PLG: variants seen among roughly 807,000 people sequenced by gnomAD.
PLG encodes plasmin.
Under a neutral mutation model 104.4 loss-of-function variants are expected in PLG, and 41 were observed. That is an observed-to-expected ratio of 0.39 (90% CI 0.31 to 0.51). The LOEUF is 0.51. PLG is among the 20% of genes least tolerant of loss of function. The pLI is 0.76. For synonymous variants in PLG, 337 were observed against 357.1 expected (o/e 0.94, Z 0.63); for missense variants, 891 against 1,003.6 (o/e 0.89, Z 1.52).
At chr6:160,720,447 C>G (rs574219223) in intron 9 of PLG, among the ~76,000 whole-genome samples, 1 of 96,690 alleles carries the variant, frequency 1.0e-5, no homozygotes, top group African/African-American at 4.1e-5. Context: ...TGAGATGGAG[C>G]CTCACTCTGT....
intron 17 of PLG, among the ~76,000 whole-genome samples, chr6:160,751,263 A>G (rs1181372581): frequency 1.3e-5 from 2 of 152,242 alleles, no homozygotes; most frequent in Non-Finnish European, 2.9e-5. Context: ...GCTGGAAGCA[A>G]GAGTGGGGCC....
At chr6:160,715,822 G>A (rs1227569976) in intron 6 of PLG, among the ~76,000 whole-genome samples, 2 of 152,230 alleles carry the variant, frequency 1.3e-5, no homozygotes, top group African/African-American at 2.4e-5. Context: ...CTGGGTAAAG[G>A]CACTTCCAGG....
rs1484874908 is a variant in PLG at position 160,719,144 on chromosome 6, TTGTC to T, written c.1096+312_1096+315del. Among the ~76,000 whole-genome samples the T allele has an allele frequency of 1.4e-4, 22 of 152,318 alleles. No individual in the cohort carries two copies. Among genetic ancestry groups the T allele is most frequent in the South Asian group, 8.3e-4 (4 of 4,822 alleles). On this transcript the variant is annotated intron_variant, in intron 9 of 18. Transcript: ENST00000308192. The surrounding 1 kb of genome is among the most constrained non-coding windows in gnomAD (Gnocchi z 4.1). ...TGGTGTTCTTCTGTATCCTTACTGA[TTGTC>T]TGTCTCCTCCTTCATTGACTACTGT...
chr6:160,709,326 A>G (rs757307102), intron 3 of PLG, among the ~76,000 whole-genome samples: 2 of 152,192 alleles, frequency 1.3e-5, no homozygotes, highest in Admixed American at 6.5e-5. Context: ...CACCAGCCAC[A>G]CTGCCTTCAC....
chr6:160,712,416 C>T (rs1010280159), intron 4 of PLG: 1 of 158,166 alleles, frequency 6.3e-6, no homozygotes. Context: ...TGGAATCAGA[C>T]AGATCAACTT....
chr6:160,739,179 A>G lies in PLG; in HGVS notation c.1989A>G (p.Arg663=), dbSNP rs751054851. 1.2e-6 allele frequency: 2 copies of G among 1,614,160 alleles called. No individual in the cohort carries two copies. Among genetic ancestry groups the G allele is most frequent in the Admixed American group, 3.3e-5 (2 of 60,018 alleles). The stretch of plus-strand genomic sequence containing the variant: ...CTAGGCTGTTCTTGGAGCCCACACG[A>G]AAAGATATTGCCTTGCTAAAGCTAA... ...EVSRLFLEPT[R]KDIALLKLSS... The change falls in exon 16 of 19, where the codon CGA becomes CGG. Residue 663 remains arginine, a synonymous_variant. Coordinates refer to ENST00000308192, the MANE Select transcript of PLG (RefSeq NM_000301.5). This position sits in a 1 kb window ranked among gnomAD's most constrained non-coding sequence, Gnocchi z 4.4.
intron 9 of PLG, among the ~76,000 whole-genome samples, chr6:160,722,182 G>A (rs530792233): frequency 6.6e-6 from 1 of 152,246 alleles, no homozygotes; most frequent in South Asian, 2.1e-4. Context: ...CCAATTATAA[G>A]TACTCTATCT....
Position 160,731,114 on chromosome 6 carries a change from A to T in PLG, c.1320A>T (p.Thr440=). 1.2e-6 allele frequency: 2 copies of T among 1,614,074 alleles called. No individual in the cohort carries two copies. Among genetic ancestry groups the T allele is most frequent in the South Asian group, 2.2e-5 (2 of 91,078 alleles). Residue 440 remains threonine, a synonymous_variant, in exon 11 of 19, where the codon ACA becomes ACT. Transcript: ENST00000308192. The surrounding 1 kb of genome is among the most constrained non-coding windows in gnomAD (Gnocchi z 5.1). ...ATAAAGGCCCCTGGTGTTTTACCAC[A>T]GACCCCAGCGTCAGGTGGGAGTACT... is the stretch of plus-strand genomic sequence containing the variant. ...DADKGPWCFT[T]DPSVRWEYCN... is the part of the protein sequence containing the mutation.
At position 160,752,180 on chromosome 6, in the gene PLG, C is replaced by A. The variant is rs752373837; in HGVS notation, c.2191C>A (p.Arg731Ser). 1 of 1,612,618 alleles carries A rather than the reference C, an allele frequency of 6.2e-7. No individual in the cohort carries two copies. Among genetic ancestry groups the A allele is most frequent in the Non-Finnish European group, 8.5e-7 (1 of 1,178,588 alleles). The change falls in exon 18 of 19, where the codon CGC becomes AGC. Residue 731 changes from arginine (R) to serine (S), a missense_variant. Physicochemically the swap from Arg to Ser is moderately radical, Grantham distance 110. Transcript: ENST00000308192. The surrounding 1 kb of genome is among the most constrained non-coding windows in gnomAD (Gnocchi z 4.7). ...TGTGATTGAGAATAAAGTGTGCAAT[C>A]GCTATGAGTTTCTGAATGGAAGAGT... ...LPVIENKVCNRYEFLNGRVQS... is the reference protein window; with the variant it reads ...LPVIENKVCNSYEFLNGRVQS...
chr6:160,714,705 T>C, intron 5 of PLG, 89 bp from the exon 6 acceptor site: 1 of 1,308,850 alleles, frequency 7.6e-7, no homozygotes, highest in Non-Finnish European at 1.1e-6. Context: ...CGCACTTAAG[T>C]GAGTAGGATT....
In PLG at chr6:160,734,718, T is replaced by A. The variant is rs1778056819; in HGVS notation, c.1681+630T>A. ...GAGTTGACATTAGTTCTTAAAGAAT[T>A]GGAATAACAAATCCATGGGTATTTC... On this transcript the variant is annotated intron_variant, in intron 13 of 18. Coordinates refer to ENST00000308192, the MANE Select transcript of PLG (RefSeq NM_000301.5). The surrounding 1 kb of genome is among the most constrained non-coding windows in gnomAD (Gnocchi z 4.4). 7.0e-6 allele frequency among the ~76,000 whole-genome samples: 1 copy of A among 143,646 alleles called. No homozygotes were observed. The highest frequency in any genetic ancestry group is 2.6e-5 in the African/African-American group (1 of 38,068). 94.2% of individuals were successfully genotyped at this position (143,646 alleles called of 152,430 possible).
chr6:160,705,067 C>A (rs2872761), intron 1 of PLG, among the ~76,000 whole-genome samples: 1 of 152,158 alleles, frequency 6.6e-6, no homozygotes, highest in East Asian at 1.9e-4. Context: ...TGTAACCCAC[C>A]CCCTCTGCCT....
Position 160,734,061 on chromosome 6 carries a change from T to G in PLG, c.1654T>G (p.Tyr552Asp). 5 of 1,607,310 alleles carry G rather than the reference T, an allele frequency of 3.1e-6. No homozygotes were observed. Among genetic ancestry groups the G allele is most frequent in the Non-Finnish European group, 4.3e-6 (5 of 1,174,008 alleles). The change falls in exon 13 of 19, where the codon TAC (tyrosine) becomes GAC (aspartate). Residue 552 changes from tyrosine (Y) to aspartate (D), a missense_variant. By Grantham distance (160) the Tyr-to-Asp change is radical. This residue lies in a region of PLG where 854 missense variants were observed against 932.1 expected (regional missense o/e 0.92). Coordinates refer to ENST00000308192, the MANE Select transcript of PLG (RefSeq NM_000301.5). This position sits in a 1 kb window ranked among gnomAD's most constrained non-coding sequence, Gnocchi z 4.4. ...WCYTTNPRKLYDYCDVPQCAA... is the reference protein window; with the variant it reads ...WCYTTNPRKLDDYCDVPQCAA... ...CTACACGACAAATCCAAGAAAACTT[T>G]ACGACTACTGTGATGTCCCTCAGTG...
rs1176452455 is a variant in PLG, at chr6:160,723,454, A to G, written c.1256+887A>G. 6.6e-6 allele frequency among the ~76,000 whole-genome samples: 1 copy of G among 152,124 alleles called. No individual in the cohort carries two copies. The highest frequency in any genetic ancestry group is 2.4e-5 in the African/African-American group (1 of 41,416). On this transcript the variant is annotated intron_variant, in intron 10 of 18. Coordinates refer to ENST00000308192, the MANE Select transcript of PLG (RefSeq NM_000301.5). This position sits in a 1 kb window ranked among gnomAD's most constrained non-coding sequence, Gnocchi z 4.7. The stretch of plus-strand genomic sequence containing the variant: ...ATCAAATGAGATCAACCCAATAACT[A>G]CCTTGGCTTTGTTCCTGGAGACTTC...
At chr6:160,717,725 G>T (rs1272220888) in intron 7 of PLG, among the ~76,000 whole-genome samples, 4 of 152,150 alleles carry the variant, frequency 2.6e-5, no homozygotes, top group African/African-American at 9.7e-5. Flanking sequence ...CAGGTAGGAA[G>T]AACTGAGCAA....
intron 9 of PLG, among the ~76,000 whole-genome samples, chr6:160,721,726 G>A (rs1192752237): frequency 2.0e-5 from 3 of 152,192 alleles, no homozygotes; most frequent in East Asian, 3.9e-4. Context: ...GGCCAGTTGA[G>A]CACAGCTCGG....
At position 160,723,940 on chromosome 6, in the gene PLG, G is replaced by A. The variant is rs1342177088; in HGVS notation, c.1256+1373G>A. ...GCCACTCCAGAAACAGCATAGTAAAGCTGAAAAGCAAGTCTAAAAAAATCA... is the reference window on the plus strand; with the variant it reads ...GCCACTCCAGAAACAGCATAGTAAAACTGAAAAGCAAGTCTAAAAAAATCA... On this transcript the variant is annotated intron_variant, in intron 10 of 18. Transcript: ENST00000308192. This position sits in a 1 kb window ranked among gnomAD's most constrained non-coding sequence, Gnocchi z 4.7. Among the ~76,000 whole-genome samples the A allele has an allele frequency of 6.6e-6, 1 of 152,134 alleles. No individual in the cohort carries two copies. The highest frequency in any genetic ancestry group is 1.9e-4 in the East Asian group (1 of 5,194).
chr6:160,723,928 C>G lies in PLG; in HGVS notation c.1256+1361C>G, dbSNP rs1777884537. On this transcript the variant is annotated intron_variant, in intron 10 of 18. Transcript: ENST00000308192. This position sits in a 1 kb window ranked among gnomAD's most constrained non-coding sequence, Gnocchi z 4.7. ...CCTATAATAAAGGCCACTCCAGAAA[C>G]AGCATAGTAAAGCTGAAAAGCAAGT... Among the ~76,000 whole-genome samples, 1 of 152,172 alleles carries G rather than the reference C, an allele frequency of 6.6e-6. No homozygotes were observed. Among genetic ancestry groups the G allele is most frequent in the East Asian group, 1.9e-4 (1 of 5,192 alleles).
At chr6:160,715,930 G>A (rs1025889586) in intron 6 of PLG, among the ~76,000 whole-genome samples, 7 of 152,188 alleles carry the variant, frequency 4.6e-5, no homozygotes, top group African/African-American at 1.7e-4. Flanking sequence ...AAACGCAGAG[G>A]GCCACCAGGC....
Sources: gnomAD v4.1 joint callset for allele counts (sites outside exome capture counted in the v4.1 genomes callset) on GRCh38, gnomAD v4.1.1 for gene constraint, gnomAD v4.1.1 regional missense constraint, Gnocchi (gnomAD v3.1) non-coding constraint, MANE v1.5 for transcripts, NCBI Gene and HGNC (gene_info 2026-07-23, HGNC 2026-07-21) for gene names.